The following CCSER1 variants were observed in gnomAD, a reference collection of about 807,000 sequenced individuals.
CCSER1 encodes serine-rich coiled-coil domain-containing protein 1.
CCSER1 carries 41 observed loss-of-function variants against 82.0 expected under a neutral mutation model. The observed-to-expected ratio is 0.50, with a 90% CI of 0.39 to 0.65. The LOEUF is 0.65. Among genes scored for constraint, CCSER1 ranks in the 30% least tolerant of loss-of-function variants. CCSER1 has a pLI of 0.00. For synonymous variants in CCSER1, 414 were observed against 383.9 expected (o/e 1.08, Z -0.92); for missense variants, 1,119 against 1,064.2 (o/e 1.05, Z -0.72).
chr4:91,026,498 C>G (rs1010334813), intron 9 of CCSER1, among the ~76,000 whole-genome samples: 2 of 152,006 alleles, frequency 1.3e-5, no homozygotes, highest in African/African-American at 4.8e-5. Context: ...CTCTTGTTGT[C>G]TAGTAATATT....
At chr4:90,975,420 A>C (rs1292735775) in intron 9 of CCSER1, among the ~76,000 whole-genome samples, 1 of 151,404 alleles carries the variant, frequency 6.6e-6, no homozygotes, top group Admixed American at 6.6e-5. Context: ...TAAAAACTTC[A>C]TATTGTGCAC....
At chr4:91,500,795 A>T (rs1444946887) in intron 10 of CCSER1, among the ~76,000 whole-genome samples, 5 of 151,932 alleles carry the variant, frequency 3.3e-5, no homozygotes, top group Admixed American at 3.3e-4. Flanking sequence ...CTTTTTGGGA[A>T]ACAGGTGGTG....
In CCSER1 at chr4:91,481,427, T is replaced by C. The variant is rs570490053; in HGVS notation, c.2218-117145T>C. Among the ~76,000 whole-genome samples, 5 of 152,220 alleles carry C rather than the reference T, an allele frequency of 3.3e-5. No homozygotes were observed. The South Asian group carries it at 1.0e-3, about 32-fold the overall frequency. On this transcript the variant is annotated intron_variant, in intron 10 of 10. Transcript: ENST00000509176. ...TCTTTTTGTGTCCACGTTGCCTCTT[T>C]TCGTAAGACACAAATCAGGTTGGTT...
intron 1 of CCSER1, among the ~76,000 whole-genome samples, chr4:90,233,730 AAG>A (rs1351068413): frequency 9.2e-5 from 14 of 151,874 alleles, no homozygotes; most frequent in African/African-American, 2.6e-4. Context: ...AAAAAAAAAA[AAG>A]AGAAAATTAT....
chr4:90,596,807 TAAC>T (rs1783400180), intron 5 of CCSER1, among the ~76,000 whole-genome samples: 2 of 151,846 alleles, frequency 1.3e-5, no homozygotes, highest in Admixed American at 1.3e-4. Context: ...CCAAAGGAAA[TAAC>T]AATTTCAGAA....
At chr4:90,588,233 A>C (rs1008296465) in intron 5 of CCSER1, among the ~76,000 whole-genome samples, 14 of 152,112 alleles carry the variant, frequency 9.2e-5, no homozygotes, top group Admixed American at 5.2e-4. Context: ...TTTCTGTATT[A>C]TGTTATCATT....
At chr4:90,908,875 G>T (rs1725902770) in intron 8 of CCSER1, among the ~76,000 whole-genome samples, 1 of 152,138 alleles carries the variant, frequency 6.6e-6, no homozygotes, top group Non-Finnish European at 1.5e-5. Flanking sequence ...GATGAAGACA[G>T]GAAAATGAGT....
chr4:90,984,437 G>T (rs1240516465), intron 9 of CCSER1, among the ~76,000 whole-genome samples: 5 of 151,680 alleles, frequency 3.3e-5, no homozygotes. Context: ...TCCTGGTAAT[G>T]GCTGCCAGTA....
At chr4:91,233,247 T>A (rs1181931789) in intron 10 of CCSER1, among the ~76,000 whole-genome samples, 1 of 151,930 alleles carries the variant, frequency 6.6e-6, no homozygotes, top group African/African-American at 2.4e-5. Context: ...ACTTATTGAT[T>A]AAACTCTCTC....
chr4:91,274,311 T>A (rs1742257726), intron 10 of CCSER1, among the ~76,000 whole-genome samples: 2 of 152,214 alleles, frequency 1.3e-5, no homozygotes, highest in Admixed American at 6.5e-5. Flanking sequence ...TAAGTATTTA[T>A]CCTTTCCTTG....
intron 10 of CCSER1, among the ~76,000 whole-genome samples, chr4:91,455,264 T>G (rs1165257635): frequency 1.1e-4 from 16 of 152,096 alleles, no homozygotes; most frequent in Non-Finnish European, 2.4e-4. Flanking sequence ...GGGTATGTAC[T>G]GTGCTGTAGT....
At chr4:90,620,471 T>C (rs909976849) in intron 5 of CCSER1, among the ~76,000 whole-genome samples, 1 of 152,210 alleles carries the variant, frequency 6.6e-6, no homozygotes, top group Non-Finnish European at 1.5e-5. Context: ...CATAGAATTG[T>C]GCAAGGTTTT....
intron 6 of CCSER1, among the ~76,000 whole-genome samples, chr4:90,645,702 T>A (rs1162130995): frequency 6.6e-6 from 1 of 152,216 alleles, no homozygotes. Context: ...TAAGGTGTGA[T>A]CTAATTTAGT....
chr4:91,060,838 G>T (rs1743890384), intron 9 of CCSER1, among the ~76,000 whole-genome samples: 1 of 151,984 alleles, frequency 6.6e-6, no homozygotes, highest in African/African-American at 2.4e-5. Context: ...ATTGACCATA[G>T]TTTTTCACAT....
intron 6 of CCSER1, among the ~76,000 whole-genome samples, chr4:90,688,751 G>A (rs1483135379): frequency 2.0e-5 from 3 of 151,914 alleles, no homozygotes; most frequent in Non-Finnish European, 1.5e-5. Context: ...ATACATCTGT[G>A]GAATTTTTAA....
At chr4:90,625,124 A>G (rs1169422030) in intron 5 of CCSER1, among the ~76,000 whole-genome samples, 1 of 152,148 alleles carries the variant, frequency 6.6e-6, no homozygotes, top group East Asian at 1.9e-4. Context: ...AACGAATTGT[A>G]TTATCCAGTG....
chr4:91,547,804 C>T (rs1761965385), intron 10 of CCSER1, among the ~76,000 whole-genome samples: 1 of 152,138 alleles, frequency 6.6e-6, no homozygotes, highest in African/African-American at 2.4e-5. Context: ...TTTTTTGAGA[C>T]AGAGTCTGGC....
chr4:90,532,491 T>C (rs1774653612), intron 5 of CCSER1, among the ~76,000 whole-genome samples: 1 of 152,030 alleles, frequency 6.6e-6, no homozygotes, highest in South Asian at 2.1e-4. Context: ...AAGTTGGAGC[T>C]TTTTACGGTG....
chr4:91,416,232 C>T (rs1753356223), intron 10 of CCSER1, among the ~76,000 whole-genome samples: 1 of 152,052 alleles, frequency 6.6e-6, no homozygotes, highest in Non-Finnish European at 1.5e-5. Flanking sequence ...ACATTCCATG[C>T]TCATGGATAG....
Sources: gnomAD v4.1 joint callset for allele counts (sites outside exome capture counted in the v4.1 genomes callset) on GRCh38, gnomAD v4.1.1 for gene constraint, MANE v1.5 for transcripts, NCBI Gene and HGNC (gene_info 2026-07-23, HGNC 2026-07-21) for gene names.